The following VSX1 variants were observed in gnomAD, a reference collection of about 807,000 sequenced individuals.
VSX1 encodes homeodomain protein RINX.
A neutral mutation model predicts 23.6 loss-of-function variants in VSX1; 23 were observed. The observed-to-expected ratio is 0.97, with a 90% CI of 0.70 to 1.38. The LOEUF (loss-of-function observed/expected upper bound fraction) is 1.38, where lower values mean the gene tolerates loss of function less well. VSX1 is among the 40% of genes most tolerant of loss of function. VSX1 has a pLI of 0.00. For missense variants in VSX1, 517 were observed against 495.4 expected (o/e 1.04, Z -0.41); for synonymous variants, 247 against 215.1 (o/e 1.15, Z -1.30).
rs1249254343 is a variant in VSX1, at chr20:25,077,705, G to A, written c.788C>T (p.Ser263Phe). 3.2e-6 allele frequency: 5 copies of A among 1,549,356 alleles called. No homozygotes were observed. The African/African-American group carries it at 6.8e-5, about 21-fold the overall frequency. ...CTTACCCAGGAGCCAGGGCGCGCAG[G>A]AGCCCAGCAGGCCGCCCTCGGCGGA... Reference protein sequence around the residue: ...LNSAEGGLLGSCAPWLLGMHK... With the variant: ...LNSAEGGLLGFCAPWLLGMHK... Residue 263 changes from serine to phenylalanine, a missense_variant, in exon 4 of 5, where the codon TCC (serine) becomes TTC (phenylalanine). By Grantham distance (155) the Ser-to-Phe change is radical. Transcript: ENST00000376709.
chr20:25,079,432 A>G lies in VSX1; in HGVS notation c.503+4T>C. ...CAGGCAGAGGGGACTGCCTGGCCCTATACCTGTGCCGCCGCTTCTTCCTCT... is the reference window on the plus strand; with the variant it reads ...CAGGCAGAGGGGACTGCCTGGCCCTGTACCTGTGCCGCCGCTTCTTCCTCT... On this transcript the variant is annotated splice_donor_region_variant and intron_variant, in intron 2 of 4. Coordinates refer to ENST00000376709, the MANE Select transcript of VSX1 (RefSeq NM_014588.6). 2 of 1,610,692 alleles carry G rather than the reference A, an allele frequency of 1.2e-6. No homozygotes were observed. Among genetic ancestry groups the G allele is most frequent in the East Asian group, 2.2e-5 (1 of 44,866 alleles).
Position 25,079,513 on chromosome 20 carries a change from A to G in VSX1, c.426T>C (p.Asp142=). 6.2e-7 allele frequency: 1 copy of G among 1,610,686 alleles called. No individual in the cohort carries two copies. Among genetic ancestry groups the G allele is most frequent in the Non-Finnish European group, 8.5e-7 (1 of 1,178,270 alleles). The change falls in exon 2 of 5, where the codon GAT becomes GAC. Residue 142 remains aspartate (D), a splice_region_variant and synonymous_variant. Coordinates refer to ENST00000376709, the MANE Select transcript of VSX1 (RefSeq NM_014588.6). ...TCCTGTCTTCAGACTGGCTGTCCTCATCTGATGGCACAGAAAGAAGAAGAG... is the reference window on the plus strand; with the variant it reads ...TCCTGTCTTCAGACTGGCTGTCCTCGTCTGATGGCACAGAAAGAAGAAGAG... ...QKRSDSVSTS[D]EDSQSEDRND...
Position 25,076,105 on chromosome 20 carries a change from A to G in VSX1, c.*156T>C. 1.9e-6 allele frequency: 2 copies of G among 1,035,216 alleles called. No individual in the cohort carries two copies. Among genetic ancestry groups the G allele is most frequent in the South Asian group, 1.5e-5 (1 of 68,032 alleles). 64.1% of individuals were successfully genotyped at this position (1,035,216 alleles called of 1,614,324 possible). A position where few individuals can be genotyped will look rare whatever the true frequency, so the allele number is the denominator to read the frequency against. On this transcript the variant is annotated 3_prime_UTR_variant, in exon 5 of 5. Coordinates refer to ENST00000376709, the MANE Select transcript of VSX1 (RefSeq NM_014588.6). ...AAATAGAATTTTCCCTAGGTCACTC[A>G]TCTGTCCTCTTAAAGCAAGTGGCAT...
At chr20:25,072,071 AAG>A (rs1201389043), downstream of VSX1, 5 of 608,484 alleles carry the variant, frequency 8.2e-6, no homozygotes. Flanking sequence ...TGTAGATAGA[AAG>A]AGAGAGGGAA....
chr20:25,072,803 G>T (rs1484402517), downstream of VSX1, among the ~76,000 whole-genome samples: 4 of 152,184 alleles, frequency 2.6e-5, no homozygotes, highest in African/African-American at 9.7e-5. Context: ...CTTAATTCAT[G>T]AATGTCCTCA....
In VSX1 at chr20:25,081,860, C is replaced by A. The variant is rs1369166259; in HGVS notation, c.237G>T (p.Pro79=). 2.6e-6 allele frequency: 4 copies of A among 1,522,526 alleles called. No individual in the cohort carries two copies. The highest frequency in any genetic ancestry group is 2.8e-5 in the African/African-American group (2 of 70,954). The allele number at this position is 1,522,526 out of a possible 1,614,324, so 94.3% of individuals were successfully genotyped here. ...DGSSLARGAL[P]LGLGLLCGFG... ...AGCCACAGAGGAGGCCGAGTCCCAG[C>A]GGTAGGGCCCCACGCGCCAGGCTGG... Residue 79 remains proline (P), a synonymous_variant, in exon 1 of 5, where the codon CCG becomes CCT. Transcript: ENST00000376709.
downstream of VSX1, among the ~76,000 whole-genome samples, chr20:25,074,979 A>C (rs1416974741): frequency 2.0e-5 from 3 of 152,246 alleles, no homozygotes; most frequent in Admixed American, 6.5e-5. Flanking sequence ...GCCAGAATTA[A>C]TACAAGAACA....
downstream of VSX1, chr20:25,071,495 T>C: frequency 4.4e-6 from 2 of 454,134 alleles, no homozygotes; most frequent in Non-Finnish European, 8.8e-6. Flanking sequence ...TTTTTTTTTT[T>C]CTTCAAGGCA....
At chr20:25,074,994 G>A (rs1215473321), downstream of VSX1, among the ~76,000 whole-genome samples, 3 of 152,146 alleles carry the variant, frequency 2.0e-5, no homozygotes, top group South Asian at 2.1e-4. Context: ...AGAACATAGG[G>A]CTTATCATTT....
chr20:25,081,675 G>T lies in VSX1; in HGVS notation c.422C>A (p.Ser141Tyr), dbSNP rs542888769. The change falls in exon 1 of 5, where the codon TCC becomes TAC. Residue 141 changes from serine (S) to tyrosine (Y), a missense_variant and splice_region_variant. Coordinates refer to ENST00000376709, the MANE Select transcript of VSX1 (RefSeq NM_014588.6). ...RQKRSDSVST[S>Y]DEDSQSEDRN... ...GCGGAAAGCGCGGGCCTGATTACCG[G>T]ACGTGGAGACGCTGTCGCTGCGCTT... 115 of 1,518,866 alleles carry T rather than the reference G, an allele frequency of 7.6e-5. 1 individual carries two copies. In the South Asian group the frequency reaches 1.4e-3, roughly 18 times the overall value. The allele number at this position is 1,518,866 out of a possible 1,614,324, so 94.1% of individuals were successfully genotyped here. A position where few individuals can be genotyped will look rare whatever the true frequency, so the allele number is the denominator to read the frequency against.
intron 1 of VSX1, among the ~76,000 whole-genome samples, chr20:25,080,361 C>T (rs1438478534): frequency 1.3e-5 from 2 of 152,174 alleles, no homozygotes; most frequent in Non-Finnish European, 2.9e-5. Flanking sequence ...GGCTGTCCAA[C>T]CTGATGAGAC....
At chr20:25,080,005 C>T (rs966491259) in intron 1 of VSX1, among the ~76,000 whole-genome samples, 11 of 152,278 alleles carry the variant, frequency 7.2e-5, no homozygotes, top group African/African-American at 2.6e-4. Context: ...ACATCAGAAC[C>T]CTCGTCAGAA....
In VSX1 at chr20:25,076,227, C is replaced by T. The variant is rs1444331894; in HGVS notation, c.*34G>A. On this transcript the variant is annotated 3_prime_UTR_variant, in exon 5 of 5. Transcript: ENST00000376709. ...GGAAAATGCCAGTGAGGAATATGCA[C>T]ATTTTCAGCCTTTGACAGTGGGACC... 1 of 1,613,248 alleles carries T rather than the reference C, an allele frequency of 6.2e-7. No individual in the cohort carries two copies. Among genetic ancestry groups the T allele is most frequent in the East Asian group, 2.2e-5 (1 of 44,892 alleles).
downstream of VSX1, chr20:25,071,442 A>C (rs2122827887): frequency 2.2e-6 from 1 of 453,674 alleles, no homozygotes; most frequent in African/African-American, 2.0e-5. Context: ...ACTGCACTCC[A>C]GCCTGGAGAC....
At chr20:25,071,443 G>T (rs1401949034), downstream of VSX1, 1 of 453,884 alleles carries the variant, frequency 2.2e-6, no homozygotes, top group Admixed American at 2.3e-5. Flanking sequence ...CTGCACTCCA[G>T]CCTGGAGACA....
rs924735079 is a variant in VSX1, at chr20:25,078,847, G to C, written c.609C>G (p.Leu203=). Residue 203 remains leucine (L), a synonymous_variant, in exon 3 of 5, where the codon CTC becomes CTG. Transcript: ENST00000376709. ...CAGACACCTGTATCCGGTCTTCGGG[G>C]AGCTCAGTTTTCACAGCCAGCATTT... ...AREMLAVKTE[L]PEDRIQVWFQ... is the part of the protein sequence containing the mutation. 5.9e-5 allele frequency: 96 copies of C among 1,614,050 alleles called. No individual in the cohort carries two copies. The highest frequency in any genetic ancestry group is 7.5e-5 in the Non-Finnish European group (89 of 1,180,038).
chr20:25,079,247 A>G (rs2089585630), intron 2 of VSX1, among the ~76,000 whole-genome samples, 189 bp downstream of exon 2: 1 of 152,246 alleles, frequency 6.6e-6, no homozygotes, highest in Non-Finnish European at 1.5e-5. Flanking sequence ...GCAAGATTGT[A>G]GCATTTTCCC....
At chr20:25,073,868 G>A (rs1177424032), downstream of VSX1, among the ~76,000 whole-genome samples, 2 of 152,080 alleles carry the variant, frequency 1.3e-5, no homozygotes, top group South Asian at 2.1e-4. Flanking sequence ...GTCCTCTGTG[G>A]GGCGTGGCCA....
chr20:25,075,912 C>A lies in VSX1; in HGVS notation c.*349G>T. The A allele has an allele frequency of 3.2e-6, 1 of 310,830 alleles. No homozygotes were observed. Among genetic ancestry groups the A allele is most frequent in the South Asian group, 3.7e-5 (1 of 26,944 alleles). The allele number at this position is 310,830 out of a possible 1,614,324, so 19.3% of individuals were successfully genotyped here. On this transcript the variant is annotated 3_prime_UTR_variant, in exon 5 of 5. Transcript: ENST00000376709. ...TGAGAATGAGGACATCAGACCTAAC[C>A]TATTCATCTATACAGTACATTGAAC...
Sources: allele counts gnomAD v4.1 joint callset (sites outside exome capture counted in the v4.1 genomes callset), GRCh38; gene constraint gnomAD v4.1.1; transcripts MANE v1.5; gene names NCBI Gene and HGNC (gene_info 2026-07-23, HGNC 2026-07-21).